Variants in MYCBP2 observed in about 807,000 individuals in gnomAD.
MYCBP2 encodes the protein E3 ubiquitin-protein ligase MYCBP2.
Under a neutral mutation model 525.3 loss-of-function variants are expected in MYCBP2, and 120 were observed. That is an observed-to-expected ratio of 0.23 (90% CI 0.20 to 0.27). MYCBP2 has a LOEUF of 0.27. Among genes scored for constraint, MYCBP2 ranks in the 10% least tolerant of loss-of-function variants. The pLI is 1.00. For missense variants in MYCBP2, 4,149 were observed against 5,657.1 expected, an observed-to-expected ratio of 0.73 and a Z score of 8.55; for synonymous variants, 1,894 against 1,955.8, an observed-to-expected ratio of 0.97 and a Z score of 0.83.
Position 77,168,509 on chromosome 13 carries a change from G to A in MYCBP2, c.6033C>T (p.Leu2011=). The A allele has an allele frequency of 6.2e-7, 1 of 1,614,102 alleles. No individual in the cohort carries two copies. The highest frequency in any genetic ancestry group is 8.5e-7 in the Non-Finnish European group (1 of 1,180,024). Residue 2011 remains leucine (L), a synonymous_variant, in exon 40 of 83, where the codon CTC becomes CTT. Coordinates refer to ENST00000544440, the MANE Select transcript of MYCBP2 (RefSeq NM_015057.5). ...STTGNQPEQG[L]SACTTSSHYA... ...AGTGACTGGAGGTTGTACAAGCAGA[G>A]AGGCCCTGTTCAGGCTGGTTTCCTG... is the stretch of plus-strand genomic sequence containing the variant.
At chr13:77,165,748 G>A (rs1462040980) in intron 41 of MYCBP2, among the ~76,000 whole-genome samples, 1 of 152,166 alleles carries the variant, frequency 6.6e-6, no homozygotes, top group Non-Finnish European at 1.5e-5. Flanking sequence ...CTACCCTGGA[G>A]TGTGGCTTTT....
chr13:77,180,710 T>A (rs571487184), intron 33 of MYCBP2, among the ~76,000 whole-genome samples: 1 of 152,000 alleles, frequency 6.6e-6, no homozygotes, highest in African/African-American at 2.4e-5. Flanking sequence ...AGGCCAGGAG[T>A]TTGAGACCAG....
intron 52 of MYCBP2, among the ~76,000 whole-genome samples, chr13:77,127,476 A>C (rs2051890192): frequency 6.6e-6 from 1 of 151,846 alleles, no homozygotes; most frequent in South Asian, 2.1e-4. Flanking sequence ...TGTCATCATT[A>C]CTCCTTTAAA....
intron 26 of MYCBP2, among the ~76,000 whole-genome samples, chr13:77,198,088 T>C (rs757611018): frequency 6.6e-6 from 1 of 152,190 alleles, no homozygotes; most frequent in Non-Finnish European, 1.5e-5. Flanking sequence ...CAAATAGAAC[T>C]ACATAACACA....
chr13:77,125,545 ACGTGT>A, intron 53 of MYCBP2, 77 bp from the exon 54 acceptor site: 1 of 1,517,974 alleles, frequency 6.6e-7, no homozygotes. Flanking sequence ...TAAAAATCTT[ACGTGT>A]CTGAATAGTG....
intron 26 of MYCBP2, among the ~76,000 whole-genome samples, chr13:77,198,720 G>A (rs2062042303): frequency 6.6e-6 from 1 of 152,184 alleles, no homozygotes; most frequent in Non-Finnish European, 1.5e-5. Context: ...TGGCCTACCA[G>A]ATGGAATCCT....
intron 4 of MYCBP2, among the ~76,000 whole-genome samples, chr13:77,277,082 G>C (rs2154349888): frequency 1.3e-5 from 2 of 152,146 alleles, no homozygotes; most frequent in South Asian, 4.2e-4. Context: ...GGATACAAAG[G>C]AAAGTATATA....
intron 47 of MYCBP2, 116 bp from the exon 48 acceptor site, chr13:77,146,333 G>T: frequency 4.1e-6 from 2 of 485,324 alleles, no homozygotes; most frequent in Non-Finnish European, 3.2e-6. Flanking sequence ...ACATATAGGA[G>T]AAAAAGAAAA....
Position 77,058,377 on chromosome 13 carries a change from C to A in MYCBP2, c.13170G>T (p.Thr4390=), listed in dbSNP as rs762181785. 6.2e-6 allele frequency: 10 copies of A among 1,612,912 alleles called. No homozygotes were observed. The highest frequency in any genetic ancestry group is 7.6e-6 in the Non-Finnish European group (9 of 1,179,394). Residue 4390 remains threonine (T), a synonymous_variant, in exon 78 of 83, where the codon ACG becomes ACT. Coordinates refer to ENST00000544440, the MANE Select transcript of MYCBP2 (RefSeq NM_015057.5). This position sits in a 1 kb window ranked among gnomAD's most constrained non-coding sequence, Gnocchi z 4.1. ...CCCCGCATGGATGGCCACAAGGATG[C>A]GTCTTACTACAGGCTATCTTAGCGT... ...QEYAKIACSK[T]HPCGHPCGGV...
In MYCBP2 at chr13:77,327,021, G is replaced by T; in HGVS notation, c.-246C>A. 2.3e-6 allele frequency: 1 copy of T among 438,706 alleles called. No individual in the cohort carries two copies. Among genetic ancestry groups the T allele is most frequent in the Non-Finnish European group, 3.9e-6 (1 of 254,392 alleles). 27.2% of individuals were successfully genotyped at this position (438,706 alleles called of 1,614,324 possible). ...CGCCACCCCGGGAATGTGAGGAGGA[G>T]GCGGTGCCGCCACTGCCGCCGCCAC... On this transcript the variant is annotated 5_prime_UTR_variant, in exon 1 of 83. Coordinates refer to ENST00000544440, the MANE Select transcript of MYCBP2 (RefSeq NM_015057.5).
chr13:77,313,537 A>G (rs1011032692), intron 1 of MYCBP2, among the ~76,000 whole-genome samples: 3 of 152,086 alleles, frequency 2.0e-5, no homozygotes, highest in Non-Finnish European at 4.4e-5. Flanking sequence ...ACTCTTAGAA[A>G]ATAACACAGG....
At position 77,061,263 on chromosome 13, in the gene MYCBP2, A is replaced by C. The variant is rs753316874; in HGVS notation, c.12942T>G (p.Leu4314=). 4 of 1,612,006 alleles carry C rather than the reference A, an allele frequency of 2.5e-6. No homozygotes were observed. In the Admixed American group the frequency reaches 6.7e-5, roughly 27 times the overall value. ...ATTTGGTTCTACCACAACCTTCATG[A>C]AGGTCAACCTTTATAGCTTCTTCTT... The part of the protein sequence containing the change: ...KEEEEAIKVD[L]HEGCGRTKLF... The change falls in exon 76 of 83, where the codon CTT becomes CTG. Residue 4314 remains leucine (L), a synonymous_variant. Transcript: ENST00000544440.
chr13:77,098,949 G>A lies in MYCBP2; in HGVS notation c.8205C>T (p.Ser2735=). ...GTTTAAGCGATCTGCTGTGTTTAGA[G>A]GACAGCTCTGATTTTCCTGATGTAG... is the stretch of plus-strand genomic sequence containing the variant. ...PASTSGKSEL[S]SKHSRSLKPD... Residue 2735 remains serine (S), a synonymous_variant, in exon 56 of 83, where the codon TCC becomes TCT. Transcript: ENST00000544440. 4 of 1,612,844 alleles carry A rather than the reference G, an allele frequency of 2.5e-6. No individual in the cohort carries two copies. Among genetic ancestry groups the A allele is most frequent in the Non-Finnish European group, 3.4e-6 (4 of 1,179,676 alleles).
chr13:77,171,681 C>T, intron 37 of MYCBP2, 47 bp from the exon 38 acceptor site: 1 of 1,577,352 alleles, frequency 6.3e-7, no homozygotes, highest in East Asian at 2.2e-5. Flanking sequence ...GTAAGTAAAA[C>T]ATGATCCAGT....
At position 77,236,438 on chromosome 13, in the gene MYCBP2, C is replaced by G. The variant is rs138513121; in HGVS notation, c.2630-3175G>C. On this transcript the variant is annotated intron_variant, in intron 17 of 82. Coordinates refer to ENST00000544440, the MANE Select transcript of MYCBP2 (RefSeq NM_015057.5). Reference sequence around the variant, plus strand: ...AGCTCTTGGTGATATATTTCAAGATCATAAAAATTATTATCCTTTGATCTA... The same window carrying G: ...AGCTCTTGGTGATATATTTCAAGATGATAAAAATTATTATCCTTTGATCTA... 8.0e-4 allele frequency among the ~76,000 whole-genome samples: 122 copies of G among 151,962 alleles called. No individual in the cohort carries two copies. The East Asian group carries it at 0.017, about 21-fold the overall frequency.
At chr13:77,171,246 A>G (rs1288639343) in intron 38 of MYCBP2, among the ~76,000 whole-genome samples, 1 of 152,156 alleles carries the variant, frequency 6.6e-6, no homozygotes, top group Non-Finnish European at 1.5e-5. Context: ...CTCAAATACA[A>G]TTTTTCTTTT....
chr13:77,240,624 T>C (rs942015064), intron 17 of MYCBP2, among the ~76,000 whole-genome samples: 26 of 151,740 alleles, frequency 1.7e-4, no homozygotes, highest in Admixed American at 5.9e-4. Flanking sequence ...AATAAATAAA[T>C]AAACAAACAA....
In MYCBP2 at chr13:77,187,734, A is replaced by C. The variant is rs9574011; in HGVS notation, c.4251+1217T>G. 9.4e-3 allele frequency among the ~76,000 whole-genome samples: 1,427 copies of C among 152,214 alleles called. 85 individuals are homozygous for C. The highest frequency in any genetic ancestry group is 0.079 in the Admixed American group (1,214 of 15,276). The stretch of plus-strand genomic sequence containing the variant: ...ATCCTGTATTTGATACGTACTAATA[A>C]GTTTTTTTGCATATAAAAATGGTCT... On this transcript the variant is annotated intron_variant, in intron 30 of 82. Coordinates refer to ENST00000544440, the MANE Select transcript of MYCBP2 (RefSeq NM_015057.5).
intron 79 of MYCBP2, 85 bp downstream of exon 79, chr13:77,056,901 G>A: frequency 9.7e-7 from 1 of 1,032,776 alleles, no homozygotes; most frequent in Non-Finnish European, 1.5e-6. Flanking sequence ...GTAAAACCAA[G>A]AGATACTGAC....
Sources: gnomAD v4.1 joint callset for allele counts (sites outside exome capture counted in the v4.1 genomes callset) on GRCh38, gnomAD v4.1.1 for gene constraint, Gnocchi (gnomAD v3.1) non-coding constraint, MANE v1.5 for transcripts, NCBI Gene and HGNC (gene_info 2026-07-23, HGNC 2026-07-21) for gene names.